MICAL2: variants seen among roughly 807,000 people sequenced by gnomAD.
MICAL2 encodes [F-actin]-monooxygenase MICAL2.
Under a neutral mutation model 127.3 loss-of-function variants are expected in MICAL2, and 77 were observed. The ratio of observed to expected loss-of-function variants is 0.60; its 90% confidence interval spans 0.50 to 0.73. MICAL2 has a LOEUF of 0.73. MICAL2 is among the 30% of genes least tolerant of loss of function. The probability of loss-of-function intolerance (pLI) is 0.00; values close to 1 mark genes in which losing one functional copy is unlikely to be tolerated. For missense variants in MICAL2, 1,351 were observed against 1,434.4 expected, an observed-to-expected ratio of 0.94 and a Z score of 0.94; for synonymous variants, 570 against 551.1, an observed-to-expected ratio of 1.03 and a Z score of -0.48.
chr11:12,296,779 T>C (rs553359329), downstream of MICAL2, among the ~76,000 whole-genome samples: 122 of 152,006 alleles, frequency 8.0e-4, no homozygotes, highest in African/African-American at 2.7e-3. Context: ...ATATTTTTTC[T>C]TTTTTTAACA....
intron 22 of MICAL2, among the ~76,000 whole-genome samples, chr11:12,250,553 C>T (rs372696130): frequency 6.6e-6 from 1 of 152,134 alleles, no homozygotes; most frequent in Non-Finnish European, 1.5e-5. Context: ...AGGTTAACCT[C>T]GTGTAATGTG....
intron 25 of MICAL2, among the ~76,000 whole-genome samples, chr11:12,259,101 A>G (rs1030789382): frequency 4.6e-5 from 7 of 152,184 alleles, no homozygotes; most frequent in Non-Finnish European, 1.0e-4. Flanking sequence ...ATAACTTAAA[A>G]CTTTTTTCTA....
intron 16 of MICAL2, among the ~76,000 whole-genome samples, chr11:12,238,924 A>G (rs2641938): frequency 0.48 from 72,773 of 152,020 alleles, 21,101 homozygotes; most frequent in African/African-American, 0.78. Flanking sequence ...AGCTGGGGGT[A>G]GGTACAGAGG....
At chr11:12,330,875 G>T (rs1163563440) in intron 32 of MICAL2, among the ~76,000 whole-genome samples, 1 of 142,328 alleles carries the variant, frequency 7.0e-6, no homozygotes, top group Admixed American at 7.1e-5. Flanking sequence ...GAGAGAGAGA[G>T]AGAGAGACAG....
intron 32 of MICAL2, among the ~76,000 whole-genome samples, chr11:12,331,660 G>A (rs1035827295): frequency 4.6e-5 from 7 of 152,268 alleles, no homozygotes; most frequent in African/African-American, 1.4e-4. Flanking sequence ...ACACTCCTGA[G>A]TTTGAATCCC....
intron 33 of MICAL2, among the ~76,000 whole-genome samples, chr11:12,352,529 A>T (rs1939067891): frequency 6.6e-6 from 1 of 152,224 alleles, no homozygotes; most frequent in South Asian, 2.1e-4. Context: ...TCTCCAAAGG[A>T]GGGTGAATAG....
intron 3 of MICAL2, among the ~76,000 whole-genome samples, chr11:12,166,477 G>A (rs139357668): frequency 8.8e-4 from 134 of 152,278 alleles, no homozygotes; most frequent in African/African-American, 3.1e-3. Context: ...CATTCATCAG[G>A]TGAATAGTTA....
intron 25 of MICAL2, among the ~76,000 whole-genome samples, chr11:12,259,485 T>C (rs1483381083): frequency 6.6e-6 from 1 of 152,256 alleles, no homozygotes; most frequent in Non-Finnish European, 1.5e-5. Context: ...TACAAATGTT[T>C]TTACAGTGTA....
At chr11:12,180,921 C>CTTTTTTTTTT (rs56946936) in intron 3 of MICAL2, among the ~76,000 whole-genome samples, 13 of 82,468 alleles carry the variant, frequency 1.6e-4, no homozygotes, top group Non-Finnish European at 2.5e-4. Context: ...TATTTTCCTT[C>CTTTTTTTTTT]TTTTTTTTTT....
chr11:12,350,080 T>C (rs931282509), intron 33 of MICAL2: 2 of 624,332 alleles, frequency 3.2e-6, no homozygotes, highest in Non-Finnish European at 5.7e-6. Context: ...ATTTTATGTC[T>C]TGCATATCAT....
chr11:12,119,055 T>C (rs1318863096), intron 1 of MICAL2, among the ~76,000 whole-genome samples: 1 of 152,100 alleles, frequency 6.6e-6, no homozygotes, highest in Non-Finnish European at 1.5e-5. Flanking sequence ...CCTCCTCCTG[T>C]AGGGAGCCAA....
At chr11:12,343,386 C>T (rs1431081118) in intron 32 of MICAL2, among the ~76,000 whole-genome samples, 8 of 127,204 alleles carry the variant, frequency 6.3e-5, no homozygotes, top group Admixed American at 2.7e-4. Flanking sequence ...CCAGCCTGGG[C>T]GACAAGAGCT....
intron 3 of MICAL2, among the ~76,000 whole-genome samples, chr11:12,198,107 C>G (rs934557013): frequency 5.3e-5 from 8 of 152,024 alleles, no homozygotes; most frequent in African/African-American, 1.9e-4. Context: ...AACCCCCTCT[C>G]AGAGATTCCT....
chr11:12,304,655 C>T (rs866006667), intron 29 of MICAL2, among the ~76,000 whole-genome samples: 8,814 of 147,662 alleles, frequency 0.06, 426 homozygotes, highest in African/African-American at 0.11. Flanking sequence ...CACACACACA[C>T]ACACACACAC....
chr11:12,256,987 AG>A lies in MICAL2; in HGVS notation c.3142+19del, dbSNP rs1343060078. 1 of 1,604,974 alleles carries A rather than the reference AG, an allele frequency of 6.2e-7. No homozygotes were observed. Among genetic ancestry groups the A allele is most frequent in the African/African-American group, 1.3e-5 (1 of 74,946 alleles). On this transcript the variant is annotated intron_variant, in intron 24 of 27. Transcript: ENST00000683283. ...TGCGATGAAGGTAACCCCAGGGGCC[AG>A]GGCAGCACTGGGCTCTGGCCTTGGC...
chr11:12,266,738 G>T (rs2134745233), downstream of MICAL2, among the ~76,000 whole-genome samples: 1 of 152,352 alleles, frequency 6.6e-6, no homozygotes. Context: ...GAACCTCGGT[G>T]CATGCTGAGG....
intron 20 of MICAL2, among the ~76,000 whole-genome samples, chr11:12,243,638 G>T (rs762887754): frequency 1.8e-4 from 27 of 152,230 alleles, no homozygotes; most frequent in Non-Finnish European, 3.7e-4. Flanking sequence ...GCAGCCCAGG[G>T]TTCTCCTCTC....
chr11:12,181,710 T>C lies in MICAL2; in HGVS notation c.264+19291T>C, dbSNP rs149636508. Among the ~76,000 whole-genome samples, 15 of 152,354 alleles carry C rather than the reference T, an allele frequency of 9.8e-5. No homozygotes were observed. In the East Asian group the frequency reaches 2.9e-3, roughly 29 times the overall value. On this transcript the variant is annotated intron_variant, in intron 3 of 27. Transcript: ENST00000683283. ...AGCTGTCAGTAGGACATGAGTTAGC[T>C]TAACAGGGGCCTGCAACATTAAAAC...
At chr11:12,294,956 C>T (rs989083877), downstream of MICAL2, 129 of 1,345,398 alleles carry the variant, frequency 9.6e-5, no homozygotes, top group South Asian at 3.3e-4. Context: ...CGTTTTGCTT[C>T]TCAAATACTA....
Sources: gnomAD v4.1 joint callset for allele counts (sites outside exome capture counted in the v4.1 genomes callset) on GRCh38, gnomAD v4.1.1 for gene constraint, MANE v1.5 for transcripts, NCBI Gene and HGNC (gene_info 2026-07-23, HGNC 2026-07-21) for gene names.